The following HSPA12A variants were observed in gnomAD, a reference collection of about 807,000 sequenced individuals.
HSPA12A encodes heat shock protein family A (Hsp70) member 12A.
In HSPA12A, 28 loss-of-function variants were observed where a neutral mutation model predicts 69.2. The ratio of observed to expected loss-of-function variants is 0.40; its 90% CI spans 0.30 to 0.55. HSPA12A has a LOEUF of 0.55. Ranked by LOEUF, HSPA12A falls within the 20% of genes least tolerant of loss-of-function variation. The pLI is 0.38. For synonymous variants in HSPA12A, 345 were observed against 370.5 expected (o/e 0.93, Z 0.79); for missense variants, 686 against 900.7 (o/e 0.76, Z 3.05).
chr10:116,742,794 C>T (rs1287582186), upstream of HSPA12A, among the ~76,000 whole-genome samples: 3 of 151,938 alleles, frequency 2.0e-5, no homozygotes, highest in Non-Finnish European at 4.4e-5. Flanking sequence ...GCTTCGGGAC[C>T]GAGCGGTCGC....
intron 2 of HSPA12A, among the ~76,000 whole-genome samples, chr10:116,754,618 C>T (rs1409278932): frequency 6.6e-6 from 1 of 152,020 alleles, no homozygotes; most frequent in African/African-American, 2.4e-5. Context: ...CTCTCAGAGT[C>T]CAAGAACTAA....
chr10:116,796,121 C>G (rs1198087359), intron 2 of HSPA12A, among the ~76,000 whole-genome samples: 1 of 125,346 alleles, frequency 8.0e-6, no homozygotes, highest in African/African-American at 3.3e-5. Context: ...GCACTCCAGC[C>G]TGGGTGACTG....
Position 116,671,456 on chromosome 10 carries a change from A to G in HSPA12A, c.*3325T>C, listed in dbSNP as rs1204054855. ...ATATGCAGCTTAATCACAGCTATAC[A>G]TCTCTACAATGTGAAATTCGATCTT... On this transcript the variant is annotated 3_prime_UTR_variant, in exon 12 of 12. Transcript: ENST00000369209. 6.6e-6 allele frequency: 1 copy of G among 152,274 alleles called. No individual in the cohort carries two copies. Among genetic ancestry groups the G allele is most frequent in the Non-Finnish European group, 1.5e-5 (1 of 68,038 alleles). 9.4% of individuals were successfully genotyped at this position (152,274 alleles called of 1,614,324 possible). A position where few individuals can be genotyped will look rare whatever the true frequency, so the allele number is the denominator to read the frequency against.
intron 2 of HSPA12A, among the ~76,000 whole-genome samples, chr10:116,763,510 T>C (rs1487099657): frequency 6.6e-6 from 1 of 152,224 alleles, no homozygotes; most frequent in African/African-American, 2.4e-5. Context: ...TATAGTGCGA[T>C]ATGATCCAGT....
In HSPA12A at chr10:116,802,561, CAATGAG is replaced by C. The variant is rs1163344097; in HGVS notation, c.91+32368_91+32373del. On this transcript the variant is annotated intron_variant, in intron 2 of 12. Transcript: ENST00000635765. Reference sequence around the variant, plus strand: ...CTTTCACTTTGTTTAAAATACATTACAATGAGAATGTGTTACTTTTATAATTAGAAC... The same window carrying C: ...CTTTCACTTTGTTTAAAATACATTACAATGTGTTACTTTTATAATTAGAAC... 6.6e-5 allele frequency among the ~76,000 whole-genome samples: 10 copies of C among 152,250 alleles called. No individual in the cohort carries two copies. The East Asian group carries it at 1.9e-3, about 29-fold the overall frequency.
intron 2 of HSPA12A, among the ~76,000 whole-genome samples, chr10:116,766,656 C>T (rs536835746): frequency 1.3e-5 from 2 of 152,132 alleles, no homozygotes; most frequent in Non-Finnish European, 2.9e-5. Context: ...GTCATTTCCT[C>T]CCCACAATTC....
chr10:116,803,769 G>A (rs971442700), intron 2 of HSPA12A, among the ~76,000 whole-genome samples: 2 of 152,222 alleles, frequency 1.3e-5, no homozygotes, highest in African/African-American at 4.8e-5. Context: ...GCTTGACGAA[G>A]GGTGTAAATA....
intron 2 of HSPA12A, among the ~76,000 whole-genome samples, chr10:116,801,128 TTCAACACA>T (rs1333057221): frequency 1.3e-5 from 2 of 152,208 alleles, no homozygotes; most frequent in Non-Finnish European, 2.9e-5. Flanking sequence ...CTAAATTGAT[TTCAACACA>T]TCCTATTTCC....
intron 2 of HSPA12A, among the ~76,000 whole-genome samples, chr10:116,808,260 C>G (rs1845106426): frequency 8.1e-6 from 1 of 123,620 alleles, no homozygotes; most frequent in South Asian, 2.7e-4. Flanking sequence ...GCTATGAGAA[C>G]AGATGTCTCA....
At chr10:116,804,509 G>T (rs890490723) in intron 2 of HSPA12A, among the ~76,000 whole-genome samples, 1 of 151,994 alleles carries the variant, frequency 6.6e-6, no homozygotes, top group Non-Finnish European at 1.5e-5. Flanking sequence ...TCCACTCCAG[G>T]TCTCTACCTC....
At chr10:116,836,624 G>C (rs1432015591) in intron 1 of HSPA12A, among the ~76,000 whole-genome samples, 1 of 152,216 alleles carries the variant, frequency 6.6e-6, no homozygotes, top group African/African-American at 2.4e-5. Flanking sequence ...GGTTGCAGAA[G>C]AGAACAGTCT....
At chr10:116,756,402 C>T (rs1843851875) in intron 2 of HSPA12A, among the ~76,000 whole-genome samples, 1 of 152,246 alleles carries the variant, frequency 6.6e-6, no homozygotes, top group African/African-American at 2.4e-5. Flanking sequence ...TTCGAGAAAA[C>T]ACATTACACT....
rs1554876589 is a variant in HSPA12A, at chr10:116,671,372, T to C, written c.*3409A>G. 6.6e-6 allele frequency: 1 copy of C among 152,190 alleles called. No homozygotes were observed. The highest frequency in any genetic ancestry group is 2.4e-5 in the African/African-American group (1 of 41,440). 9.4% of individuals were successfully genotyped at this position (152,190 alleles called of 1,614,324 possible). The stretch of plus-strand genomic sequence containing the variant: ...CCATATTTCAAGCAGATGAGAGGTG[T>C]GGCATTATGGCCAACAACTTTTATA... On this transcript the variant is annotated 3_prime_UTR_variant, in exon 12 of 12. Transcript: ENST00000369209.
rs1001935261 is a variant in HSPA12A at position 116,675,300 on chromosome 10, C to T, written c.1509G>A (p.Arg503=). ...AVQAAFGDQC[R]IIIPQDVGLT... ...GGCCCACGTCCTGGGGGATGATGATCCGGCACTGGTCCCCAAAAGCAGCCT... is the reference window on the plus strand; with the variant it reads ...GGCCCACGTCCTGGGGGATGATGATTCGGCACTGGTCCCCAAAAGCAGCCT... The change falls in exon 12 of 12, where the codon CGG becomes CGA. Residue 503 remains arginine, a synonymous_variant. Coordinates refer to ENST00000369209, the MANE Select transcript of HSPA12A (RefSeq NM_025015.3). The surrounding 1 kb of genome is among the most constrained non-coding windows in gnomAD (Gnocchi z 5.2). 1.2e-6 allele frequency: 2 copies of T among 1,613,310 alleles called. No individual in the cohort carries two copies. The highest frequency in any genetic ancestry group is 2.7e-5 in the African/African-American group (2 of 74,940).
At chr10:116,771,926 T>A (rs985794003) in intron 2 of HSPA12A, among the ~76,000 whole-genome samples, 2 of 152,138 alleles carry the variant, frequency 1.3e-5, no homozygotes, top group Admixed American at 6.5e-5. Context: ...GGCAGGCTGC[T>A]CCAGCAGCTG....
At chr10:116,849,848 C>T, upstream of HSPA12A, 2 of 1,204,184 alleles carry the variant, frequency 1.7e-6, no homozygotes, top group Non-Finnish European at 2.3e-6. Context: ...GCCGCCCGGG[C>T]CCTGGGCCTG....
intron 1 of HSPA12A, among the ~76,000 whole-genome samples, chr10:116,726,157 C>A (rs756258529): frequency 8.5e-5 from 13 of 152,082 alleles, no homozygotes; most frequent in Non-Finnish European, 1.8e-4. Context: ...AGGCTCTGTC[C>A]CCTGGCATGT....
rs1850835278 is a variant in HSPA12A, at chr10:116,723,172, TAA to T, written c.41-15889_41-15888del. 6.6e-6 allele frequency among the ~76,000 whole-genome samples: 1 copy of T among 152,042 alleles called. No individual in the cohort carries two copies. The highest frequency in any genetic ancestry group is 2.1e-4 in the South Asian group (1 of 4,816). On this transcript the variant is annotated intron_variant, in intron 1 of 11. Coordinates refer to ENST00000369209, the MANE Select transcript of HSPA12A (RefSeq NM_025015.3). This position sits in a 1 kb window ranked among gnomAD's most constrained non-coding sequence, Gnocchi z 4.1. ...CCCCTTCATATCAGATGCAGCTGTT[TAA>T]CCAATCAGATACCTCCATTACCCCC... is the stretch of plus-strand genomic sequence containing the variant.
Position 116,674,628 on chromosome 10 carries a change from A to C in HSPA12A, c.*153T>G. The C allele has an allele frequency of 2.7e-6, 2 of 744,856 alleles. No homozygotes were observed. Among genetic ancestry groups the C allele is most frequent in the Non-Finnish European group, 4.3e-6 (2 of 467,180 alleles). The allele number at this position is 744,856 out of a possible 1,614,324, so 46.1% of individuals were successfully genotyped here. On this transcript the variant is annotated 3_prime_UTR_variant, in exon 12 of 12. Transcript: ENST00000369209. ...TGACTCCAGTGTGCCCTCAAAAGTC[A>C]CTAATTATTTCTAGCCCTGATTGTT...
Sources: gnomAD v4.1 joint callset for allele counts (sites outside exome capture counted in the v4.1 genomes callset) on GRCh38, gnomAD v4.1.1 for gene constraint, Gnocchi (gnomAD v3.1) non-coding constraint, MANE v1.5 for transcripts, NCBI Gene and HGNC (gene_info 2026-07-23, HGNC 2026-07-21) for gene names.